Variants in ACTR3B observed in about 807,000 individuals in gnomAD.
ACTR3B encodes the protein actin related protein 3B.
ACTR3B carries 8 observed loss-of-function variants against 59.0 expected under a neutral mutation model. That is an observed-to-expected ratio of 0.14 (90% CI 0.08 to 0.24). ACTR3B has a LOEUF of 0.24. ACTR3B is among the 10% of genes least tolerant of loss of function. The pLI is 1.00. For missense variants in ACTR3B, 245 were observed against 552.3 expected, an observed-to-expected ratio of 0.44 and a Z score of 5.58; for synonymous variants, 148 against 197.9, an observed-to-expected ratio of 0.75 and a Z score of 2.12.
Position 152,854,659 on chromosome 7 carries a change from C to T in ACTR3B, c.*106C>T, listed in dbSNP as rs1437060925. Reference sequence around the variant, plus strand: ...TAAATAGCGACGTCGGTGTTGCTGCCCAGCAGCGTGCTTGCATTGCCGGTG... The same window carrying T: ...TAAATAGCGACGTCGGTGTTGCTGCTCAGCAGCGTGCTTGCATTGCCGGTG... On this transcript the variant is annotated 3_prime_UTR_variant, in exon 12 of 12. Transcript: ENST00000256001. The surrounding 1 kb of genome is among the most constrained non-coding windows in gnomAD (Gnocchi z 4.9). 3 of 1,194,298 alleles carry T rather than the reference C, an allele frequency of 2.5e-6. No individual in the cohort carries two copies. Among genetic ancestry groups the T allele is most frequent in the East Asian group, 4.9e-5 (2 of 40,868 alleles). 74.0% of individuals were successfully genotyped at this position (1,194,298 alleles called of 1,614,324 possible).
At chr7:152,787,450 T>C (rs867003619) in intron 2 of ACTR3B, among the ~76,000 whole-genome samples, 1 of 152,044 alleles carries the variant, frequency 6.6e-6, no homozygotes, top group African/African-American at 2.4e-5. Flanking sequence ...AAAATTTTGA[T>C]ATAGTAATAC....
rs537766001 is a variant in ACTR3B, at chr7:152,847,051, G to A, written c.952-5075G>A. Among the ~76,000 whole-genome samples, 6 of 148,886 alleles carry A rather than the reference G, an allele frequency of 4.0e-5. No individual in the cohort carries two copies. The South Asian group carries it at 1.1e-3, about 27-fold the overall frequency. ...TAGTCTGCAGTGAGCTCTAGTGCCCGGGCTGTAGTCTGCAGTGAGCCCCAG... is the reference window on the plus strand; with the variant it reads ...TAGTCTGCAGTGAGCTCTAGTGCCCAGGCTGTAGTCTGCAGTGAGCCCCAG... On this transcript the variant is annotated intron_variant, in intron 9 of 11. Coordinates refer to ENST00000256001, the MANE Select transcript of ACTR3B (RefSeq NM_020445.6).
chr7:152,817,452 C>G (rs189219931), intron 6 of ACTR3B, among the ~76,000 whole-genome samples: 1 of 151,976 alleles, frequency 6.6e-6, no homozygotes, highest in Non-Finnish European at 1.5e-5. Flanking sequence ...TCTGCAATGC[C>G]GCTTTTTGGT....
At chr7:152,840,390 C>T (rs1316164881) in intron 9 of ACTR3B, among the ~76,000 whole-genome samples, 1 of 152,202 alleles carries the variant, frequency 6.6e-6, no homozygotes, top group East Asian at 1.9e-4. Context: ...GACGTCATTA[C>T]CCTCTAATTT....
chr7:152,760,355 A>G (rs2098085651), intron 1 of ACTR3B, among the ~76,000 whole-genome samples: 1 of 152,154 alleles, frequency 6.6e-6, no homozygotes, highest in Non-Finnish European at 1.5e-5. Flanking sequence ...AACGTCACTC[A>G]TCTCCTAGTG....
At chr7:152,837,109 G>T (rs1797522790) in intron 9 of ACTR3B, among the ~76,000 whole-genome samples, 1 of 152,222 alleles carries the variant, frequency 6.6e-6, no homozygotes, top group African/African-American at 2.4e-5. Context: ...CTGGGAGGTG[G>T]AGGCTACAGG....
intron 1 of ACTR3B, among the ~76,000 whole-genome samples, chr7:152,764,755 A>G (rs1237021001): frequency 2.6e-5 from 4 of 152,180 alleles, no homozygotes; most frequent in Admixed American, 6.5e-5. Context: ...GGGCAAATGC[A>G]TATGTAATTT....
At chr7:152,778,376 C>T (rs974382971) in intron 1 of ACTR3B, among the ~76,000 whole-genome samples, 2 of 151,686 alleles carry the variant, frequency 1.3e-5, no homozygotes, top group African/African-American at 4.8e-5. Context: ...GCTGGGACTG[C>T]GGGCACGTGC....
At chr7:152,782,365 C>T (rs1304647718) in intron 1 of ACTR3B, among the ~76,000 whole-genome samples, 4 of 151,864 alleles carry the variant, frequency 2.6e-5, no homozygotes, top group Non-Finnish European at 4.4e-5. Flanking sequence ...TTACTTACCG[C>T]GTTTCAACTT....
chr7:152,822,337 G>T (rs1796238522), intron 7 of ACTR3B, among the ~76,000 whole-genome samples: 1 of 152,200 alleles, frequency 6.6e-6, no homozygotes, highest in African/African-American at 2.4e-5. Flanking sequence ...CGTGCTTCCC[G>T]TAGGCAGCAA....
chr7:152,768,934 A>G lies in ACTR3B; in HGVS notation c.44+9008A>G, dbSNP rs372378913. Among the ~76,000 whole-genome samples, 69 of 151,570 alleles carry G rather than the reference A, an allele frequency of 4.6e-4. 1 individual carries two copies. Among genetic ancestry groups the G allele is most frequent in the African/African-American group, 1.6e-3 (65 of 41,308 alleles). ...AGTGGCGTGATGTCGGCTCACTGCAACCTCCACCTCCTGGGTTCAGGCAGT... is the reference window on the plus strand; with the variant it reads ...AGTGGCGTGATGTCGGCTCACTGCAGCCTCCACCTCCTGGGTTCAGGCAGT... On this transcript the variant is annotated intron_variant, in intron 1 of 11. Coordinates refer to ENST00000256001, the MANE Select transcript of ACTR3B (RefSeq NM_020445.6).
At chr7:152,823,117 T>A (rs1472870821) in intron 7 of ACTR3B, among the ~76,000 whole-genome samples, 1 of 152,192 alleles carries the variant, frequency 6.6e-6, no homozygotes, top group Admixed American at 6.5e-5. Flanking sequence ...GATTAATAGC[T>A]GAGTTGCAGA....
At chr7:152,803,563 G>T (rs2098243494) in intron 4 of ACTR3B, among the ~76,000 whole-genome samples, 1 of 152,184 alleles carries the variant, frequency 6.6e-6, no homozygotes, top group African/African-American at 2.4e-5. Flanking sequence ...CATGCCAGGA[G>T]TTCTTGCTTT....
intron 9 of ACTR3B, among the ~76,000 whole-genome samples, chr7:152,849,054 CAG>C (rs1476021041): frequency 2.6e-5 from 4 of 152,198 alleles, no homozygotes; most frequent in Non-Finnish European, 4.4e-5. Flanking sequence ...CGAGGGGCGT[CAG>C]GGGGCTGCCT....
chr7:152,823,197 C>G, intron 7 of ACTR3B, 145 bp from the exon 8 acceptor site: 1 of 1,096,684 alleles, frequency 9.1e-7, no homozygotes, highest in East Asian at 2.6e-5. Context: ...GAATGTGAGG[C>G]TTGATGCATA....
At chr7:152,821,784 C>T (rs1486378217) in intron 7 of ACTR3B, among the ~76,000 whole-genome samples, 8 of 152,230 alleles carry the variant, frequency 5.3e-5, no homozygotes, top group Non-Finnish European at 7.3e-5. Flanking sequence ...TTAGTTCTCA[C>T]CTCACTTCTC....
At chr7:152,845,373 C>T (rs1430084427) in intron 9 of ACTR3B, among the ~76,000 whole-genome samples, 3 of 152,130 alleles carry the variant, frequency 2.0e-5, no homozygotes, top group Non-Finnish European at 4.4e-5. Context: ...CAGGCCATCC[C>T]GAATCTTGCC....
intron 2 of ACTR3B, among the ~76,000 whole-genome samples, chr7:152,799,611 T>C (rs1388905776): frequency 6.6e-6 from 1 of 152,234 alleles, no homozygotes; most frequent in Non-Finnish European, 1.5e-5. Flanking sequence ...GGTAGACTGA[T>C]CTTAAACAAT....
chr7:152,768,533 A>G (rs930700648), intron 1 of ACTR3B, among the ~76,000 whole-genome samples: 21 of 151,872 alleles, frequency 1.4e-4, no homozygotes, highest in Non-Finnish European at 2.8e-4. Context: ...CTGGAGTGCA[A>G]TGGAGCGATC....
Sources: allele counts gnomAD v4.1 joint callset (sites outside exome capture counted in the v4.1 genomes callset), GRCh38; gene constraint gnomAD v4.1.1; non-coding constraint Gnocchi (gnomAD v3.1); transcripts MANE v1.5; gene names NCBI Gene and HGNC (gene_info 2026-07-23, HGNC 2026-07-21).